SERPINB6: variants seen among roughly 807,000 people sequenced by gnomAD.
SERPINB6 encodes the protein serpin family B member 6, also known as serpin B6.
A neutral mutation model predicts 26.1 loss-of-function variants in SERPINB6; 16 were observed. That is an observed-to-expected ratio of 0.61 (90% CI 0.42 to 0.93). SERPINB6 has a LOEUF of 0.93. Ranked by LOEUF, SERPINB6 falls within the 40% of genes least tolerant of loss-of-function variation. The pLI, the probability that SERPINB6 is intolerant of heterozygous loss-of-function variation, is 0.00. For synonymous variants in SERPINB6, 174 were observed against 176.6 expected (o/e 0.99, Z 0.11); for missense variants, 420 against 478.0 (o/e 0.88, Z 1.13).
At chr6:2,960,479 G>C (rs1770976600) in intron 1 of SERPINB6, 1 of 152,336 alleles carries the variant, frequency 6.6e-6, no homozygotes, top group Non-Finnish European at 1.5e-5. Context: ...GGGCCTGCCT[G>C]CTCTGACACA....
chr6:2,958,785 C>T (rs1195072046), intron 2 of SERPINB6, among the ~76,000 whole-genome samples: 1 of 152,124 alleles, frequency 6.6e-6, no homozygotes, highest in Non-Finnish European at 1.5e-5. Context: ...AAATGCCATT[C>T]TAAGAAGGCT....
Position 2,953,177 on chromosome 6 carries a change from G to C in SERPINB6, c.440C>G (p.Ala147Gly), listed in dbSNP as rs750577552. 23 of 1,614,046 alleles carry C rather than the reference G, an allele frequency of 1.4e-5. No individual in the cohort carries two copies. Among genetic ancestry groups the C allele is most frequent in the Non-Finnish European group, 1.6e-5 (19 of 1,180,042 alleles). Reference protein sequence around the residue: ...WVAEKTEGKIAELLSPGSVDP... With the variant: ...WVAEKTEGKIGELLSPGSVDP... ...CACTGAGCCCGGAGAGAGCAACTCC[G>C]CAATTTTACCTGAGCGGAAGAATTC... The change falls in exon 5 of 7, where the codon GCG becomes GGG. Residue 147 changes from alanine (A) to glycine (G), a missense_variant. Physicochemically the swap from Ala to Gly is moderately conservative, Grantham distance 60. Transcript: ENST00000380539.
At chr6:2,963,670 T>C (rs1347035140) in intron 1 of SERPINB6, 1 of 152,386 alleles carries the variant, frequency 6.6e-6, no homozygotes, top group Non-Finnish European at 1.5e-5. Flanking sequence ...TCCCGTATTT[T>C]CCATACATCC....
chr6:2,966,193 A>G (rs945072226), intron 1 of SERPINB6, among the ~76,000 whole-genome samples: 4 of 152,178 alleles, frequency 2.6e-5, no homozygotes, highest in Admixed American at 6.5e-5. Context: ...AACTTTTTCC[A>G]TAGCAATCCT....
chr6:2,968,902 A>G (rs1016421199), intron 1 of SERPINB6: 2 of 1,226,772 alleles, frequency 1.6e-6, no homozygotes, highest in African/African-American at 1.6e-5. Flanking sequence ...CGGTGTGGCT[A>G]TCGGTGGTGT....
In SERPINB6 at chr6:2,969,144, A is replaced by C. The variant is rs114362420; in HGVS notation, c.-11+2389T>G. On this transcript the variant is annotated intron_variant, in intron 1 of 6. Transcript: ENST00000380539. ...AATAAATCCACATTTAAAGTTTACC[A>C]CTCAAGATACTCCAAATATCAACAA... 1.2e-3 allele frequency: 1,255 copies of C among 1,004,466 alleles called. 9 individuals are homozygous for C. In the African/African-American group the frequency reaches 0.019, roughly 16 times the overall value. The allele number at this position is 1,004,466 out of a possible 1,614,324, so 62.2% of individuals were successfully genotyped here.
chr6:2,951,443 TA>T (rs1365740283), intron 5 of SERPINB6, among the ~76,000 whole-genome samples: 1 of 150,194 alleles, frequency 6.7e-6, no homozygotes, highest in African/African-American at 2.4e-5. Flanking sequence ...AGTAAACCTT[TA>T]AAAAAAATTA....
intron 1 of SERPINB6, chr6:2,966,610 G>C (rs1161706323): frequency 6.3e-6 from 1 of 159,242 alleles, no homozygotes; most frequent in Non-Finnish European, 1.3e-5. Context: ...AGAATCGAAT[G>C]CCTGATGATC....
At chr6:2,969,198 A>G (rs1581283793) in intron 1 of SERPINB6, 4 of 987,240 alleles carry the variant, frequency 4.1e-6, no homozygotes, top group African/African-American at 1.7e-5. Context: ...AGATTTTTCT[A>G]TCGAGGGCTT....
At chr6:2,970,107 C>T in intron 1 of SERPINB6, 5 of 984,488 alleles carry the variant, frequency 5.1e-6, no homozygotes, top group Non-Finnish European at 6.0e-6. Flanking sequence ...TTGGCTTAAT[C>T]CCAAGTGCAG....
chr6:2,970,615 G>A, intron 1 of SERPINB6: 1 of 1,218,258 alleles, frequency 8.2e-7, no homozygotes, highest in Non-Finnish European at 1.0e-6. Flanking sequence ...AAGCAAAAGT[G>A]CCCAAAAAAT....
chr6:2,960,400 CA>C (rs3832414), intron 1 of SERPINB6: 37,495 of 152,280 alleles, frequency 0.25, 4,961 homozygotes, highest in Non-Finnish European at 0.3. Context: ...GGTGAGAGGA[CA>C]AGGGGCAGCT....
At position 2,970,885 on chromosome 6, in the gene SERPINB6, G is replaced by T. The variant is rs1012875856; in HGVS notation, c.-11+648C>A. The T allele has an allele frequency of 2.4e-6, 3 of 1,230,952 alleles. No homozygotes were observed. The East Asian group carries it at 9.5e-5, about 39-fold the overall frequency. The allele number at this position is 1,230,952 out of a possible 1,614,324, so 76.3% of individuals were successfully genotyped here. On this transcript the variant is annotated intron_variant, in intron 1 of 6. Coordinates refer to ENST00000380539, the MANE Select transcript of SERPINB6 (RefSeq NM_004568.6). ...GAGATCCGGGCTGGTCCACACGATC[G>T]TCTCCACAGGTCTGGGCGACCTGAA...
chr6:2,954,510 A>T, intron 4 of SERPINB6, 82 bp downstream of exon 4: 1 of 1,102,520 alleles, frequency 9.1e-7, no homozygotes, highest in Non-Finnish European at 1.4e-6. Context: ...ATTCCTGTTT[A>T]CAATTGACAG....
At chr6:2,958,427 G>T (rs1488133506) in intron 2 of SERPINB6, among the ~76,000 whole-genome samples, 2 of 152,198 alleles carry the variant, frequency 1.3e-5, no homozygotes, top group Non-Finnish European at 2.9e-5. Context: ...CTTTGGCAGT[G>T]GGGCCTTGGC....
At chr6:2,962,954 G>A (rs1306313121) in intron 1 of SERPINB6, among the ~76,000 whole-genome samples, 2 of 152,290 alleles carry the variant, frequency 1.3e-5, no homozygotes, top group South Asian at 2.1e-4. Context: ...AATATCTGTC[G>A]TCCCAACCTT....
At chr6:2,955,416 C>A in intron 3 of SERPINB6, 108 bp downstream of exon 3, 1 of 1,277,620 alleles carries the variant, frequency 7.8e-7, no homozygotes, top group South Asian at 1.2e-5. Context: ...TTACAAAAGC[C>A]TATGTATGGC....
intron 1 of SERPINB6, chr6:2,969,768 ATGTG>A (rs141424938): frequency 7.4e-6 from 7 of 942,098 alleles, no homozygotes; most frequent in Non-Finnish European, 7.6e-6. Flanking sequence ...TGCAGTGTGT[ATGTG>A]TGTGTGTGTG....
At chr6:2,959,442 G>A in intron 1 of SERPINB6, 100 bp from the exon 2 acceptor site, 2 of 1,184,868 alleles carry the variant, frequency 1.7e-6, no homozygotes, top group African/African-American at 1.5e-5. Context: ...GTGGTTCAGT[G>A]GGCAAGCAGA....
Sources: allele counts gnomAD v4.1 joint callset (sites outside exome capture counted in the v4.1 genomes callset), GRCh38; gene constraint gnomAD v4.1.1; transcripts MANE v1.5; gene names NCBI Gene and HGNC (gene_info 2026-07-23, HGNC 2026-07-21).